Variants in SOX6 observed in about 807,000 individuals in gnomAD.
SOX6 encodes the protein transcription factor SOX-6.
A neutral mutation model predicts 97.8 loss-of-function variants in SOX6; 11 were observed. That is an observed-to-expected ratio of 0.11 (90% CI 0.07 to 0.19). The LOEUF (loss-of-function observed/expected upper bound fraction) is 0.19. SOX6 is among the 10% of genes least tolerant of loss of function. SOX6 has a pLI of 1.00. For missense variants in SOX6, 810 were observed against 1,039.5 expected, an observed-to-expected ratio of 0.78 and a Z score of 3.04; for synonymous variants, 360 against 371.4, an observed-to-expected ratio of 0.97 and a Z score of 0.35.
At chr11:16,372,355 A>G (rs1857512914) in intron 1 of SOX6, among the ~76,000 whole-genome samples, 1 of 152,126 alleles carries the variant, frequency 6.6e-6, no homozygotes, top group African/African-American at 2.4e-5. Flanking sequence ...ACATATGTAT[A>G]TTTTCTAGTA....
intron 4 of SOX6, among the ~76,000 whole-genome samples, chr11:16,515,364 C>T (rs1438791379): frequency 6.7e-6 from 1 of 149,090 alleles, no homozygotes; most frequent in Non-Finnish European, 1.5e-5. Context: ...AGTGTCTGTT[C>T]ATGTCCTTTG....
At chr11:16,632,451 C>T (rs867005041) in intron 3 of SOX6, among the ~76,000 whole-genome samples, 2 of 152,120 alleles carry the variant, frequency 1.3e-5, no homozygotes, top group Non-Finnish European at 2.9e-5. Flanking sequence ...TTCCACACAG[C>T]TGGGTACATA....
chr11:16,637,815 G>A (rs956771456), intron 3 of SOX6, among the ~76,000 whole-genome samples: 2 of 152,046 alleles, frequency 1.3e-5, no homozygotes, highest in Admixed American at 1.3e-4. Flanking sequence ...GCAGGGAAAG[G>A]TACAGTGTGC....
chr11:16,287,280 TCTCTCTCTCTCTCTCTCTCACACA>T (rs1854778846), intron 3 of SOX6, among the ~76,000 whole-genome samples: 1 of 105,874 alleles, frequency 9.4e-6, no homozygotes, highest in African/African-American at 3.4e-5. Context: ...TCTCTCTCTC[TCTCTCTCTCTCTCTCTCTCACACA>T]CACACACACA....
intron 13 of SOX6, among the ~76,000 whole-genome samples, chr11:15,992,734 T>C (rs1854093668): frequency 6.6e-6 from 1 of 152,164 alleles, no homozygotes; most frequent in African/African-American, 2.4e-5. Flanking sequence ...CACAAATACA[T>C]ATTGAAGGTT....
rs551641961 is a variant in SOX6 at position 16,087,044 on chromosome 11, C to A, written c.1101+8952G>T. On this transcript the variant is annotated intron_variant, in intron 9 of 15. Transcript: ENST00000683767. ...ACCAAGAGGTAAAATTTAAAATACA[C>A]TTAAACCATCTATTACAGTCCTATT... Among the ~76,000 whole-genome samples the A allele has an allele frequency of 5.0e-4, 76 of 152,268 alleles. 1 individual carries two copies. The highest frequency in any genetic ancestry group is 1.6e-3 in the African/African-American group (66 of 41,568).
chr11:16,068,205 C>T (rs959980842), intron 9 of SOX6, among the ~76,000 whole-genome samples: 13 of 152,092 alleles, frequency 8.5e-5, no homozygotes, highest in African/African-American at 3.1e-4. Context: ...CAGGGATATC[C>T]TGGATTTTGT....
At chr11:16,042,868 T>G (rs190557528) in intron 12 of SOX6, among the ~76,000 whole-genome samples, 37 of 152,258 alleles carry the variant, frequency 2.4e-4, no homozygotes, top group Non-Finnish European at 4.9e-4. Flanking sequence ...GACACATGTG[T>G]ACAGATGTGC....
At chr11:16,052,502 C>G (rs887438778) in intron 10 of SOX6, among the ~76,000 whole-genome samples, 2 of 152,126 alleles carry the variant, frequency 1.3e-5, no homozygotes, top group South Asian at 2.1e-4. Context: ...TCATTTGGCT[C>G]TAGTTGCAAG....
intron 3 of SOX6, chr11:16,315,335 CAGAA>C (rs1205436681): frequency 6.6e-6 from 1 of 151,778 alleles, no homozygotes; most frequent in Non-Finnish European, 1.5e-5. Flanking sequence ...AAGGGATTCA[CAGAA>C]AGAAAAATTA....
intron 2 of SOX6, among the ~76,000 whole-genome samples, chr11:16,331,851 C>T (rs1320199811): frequency 6.6e-6 from 1 of 152,116 alleles, no homozygotes; most frequent in Non-Finnish European, 1.5e-5. Flanking sequence ...ATTCCTCTAC[C>T]TGAATGCAAC....
chr11:16,720,649 T>A (rs1370531452), intron 2 of SOX6, among the ~76,000 whole-genome samples: 2 of 147,926 alleles, frequency 1.4e-5, no homozygotes, highest in East Asian at 2.0e-4. Context: ...CATATGTAAC[T>A]AACCTGCACA....
At position 16,049,919 on chromosome 11, in the gene SOX6, G is replaced by A; in HGVS notation, c.1271C>T (p.Pro424Leu). 6.2e-7 allele frequency: 1 copy of A among 1,613,674 alleles called. No homozygotes were observed. The change falls in exon 11 of 16, where the codon CCT (proline) becomes CTT (leucine). Residue 424 changes from proline (P) to leucine (L), a missense_variant. Pro to Leu is a moderately conservative substitution (Grantham distance 98). Around this residue, in one of 9 missense-constraint regions of SOX6, gnomAD observed 244 missense variants for 261.0 expected, o/e 0.93. Coordinates refer to ENST00000683767, the MANE Select transcript of SOX6 (RefSeq NM_001367873.1). ...TQVKDEAAAQ[P>L]LNLSSRPKTA... ...CTTGGGTCGGGATGAGAGATTCAGA[G>A]GCTGTGCTGCTGCTTCATCCTACAA...
chr11:16,094,663 A>G (rs556040716), intron 9 of SOX6, among the ~76,000 whole-genome samples: 3 of 152,026 alleles, frequency 2.0e-5, no homozygotes, highest in Admixed American at 1.3e-4. Context: ...ATTTCTTTCT[A>G]GCTCTCCTAG....
chr11:16,402,511 C>T, intron 1 of SOX6: 2 of 776,896 alleles, frequency 2.6e-6, no homozygotes, highest in Admixed American at 4.4e-5. Context: ...CATTAGAGAG[C>T]TTCCCAGAGA....
In SOX6 at chr11:16,234,605, C is replaced by A; in HGVS notation, c.512G>T (p.Ser171Ile). Residue 171 changes from serine (S) to isoleucine (I), a missense_variant, in exon 4 of 16, where the codon AGT (serine) becomes ATT (isoleucine). Around this residue, in one of 9 missense-constraint regions of SOX6, gnomAD observed 110 missense variants for 119.0 expected, o/e 0.92. Coordinates refer to ENST00000683767, the MANE Select transcript of SOX6 (RefSeq NM_001367873.1). ...ACCTTTAATTTCTCCAAGAAGTTCACTGGTATTTAGTCTTTCCATTTTTTC... is the reference window on the plus strand; with the variant it reads ...ACCTTTAATTTCTCCAAGAAGTTCAATGGTATTTAGTCTTTCCATTTTTTC... Reference protein sequence around the residue: ...WKEKMERLNTSELLGEIKGTP... With the variant: ...WKEKMERLNTIELLGEIKGTP... 1.3e-6 allele frequency: 2 copies of A among 1,595,010 alleles called. No individual in the cohort carries two copies. The highest frequency in any genetic ancestry group is 1.7e-6 in the Non-Finnish European group (2 of 1,165,692).
At chr11:16,503,742 T>G (rs1860742862) in intron 4 of SOX6, among the ~76,000 whole-genome samples, 1 of 152,208 alleles carries the variant, frequency 6.6e-6, no homozygotes, top group Non-Finnish European at 1.5e-5. Context: ...AGCAAGAGGA[T>G]GTAAGAATTC....
At chr11:16,095,743 T>C (rs956247236) in intron 9 of SOX6, among the ~76,000 whole-genome samples, 8 of 151,760 alleles carry the variant, frequency 5.3e-5, no homozygotes, top group Admixed American at 1.3e-4. Context: ...AAGACACTTA[T>C]AATGTAAAGC....
chr11:16,402,973 A>C (rs1858600676), intron 1 of SOX6: 3 of 729,900 alleles, frequency 4.1e-6, no homozygotes, highest in South Asian at 1.6e-5. Context: ...ACACAAGTCC[A>C]TTGTTCCCTC....
Sources: gnomAD v4.1 joint callset for allele counts (sites outside exome capture counted in the v4.1 genomes callset) on GRCh38, gnomAD v4.1.1 for gene constraint, gnomAD v4.1.1 regional missense constraint, MANE v1.5 for transcripts, NCBI Gene and HGNC (gene_info 2026-07-23, HGNC 2026-07-21) for gene names.